Variants in PALLD observed in about 807,000 individuals in gnomAD.
PALLD encodes palladin, cytoskeletal associated protein, also known as palladin.
A neutral mutation model predicts 123.5 loss-of-function variants in PALLD; 61 were observed. The ratio of observed to expected loss-of-function variants is 0.49; its 90% CI spans 0.40 to 0.61. The LOEUF (loss-of-function observed/expected upper bound fraction) is 0.61, where lower values mean the gene tolerates loss of function less well. Among genes scored for constraint, PALLD ranks in the 20% least tolerant of loss-of-function variants. PALLD has a pLI of 0.00. For missense variants in PALLD, 1,273 were observed against 1,377.0 expected, an observed-to-expected ratio of 0.92 and a Z score of 1.20; for synonymous variants, 465 against 496.4, an observed-to-expected ratio of 0.94 and a Z score of 0.84.
chr4:168,905,807 T>C (rs984750461), intron 15 of PALLD, among the ~76,000 whole-genome samples: 1 of 148,032 alleles, frequency 6.8e-6, no homozygotes, highest in African/African-American at 2.5e-5. Flanking sequence ...TTTTTTTTTT[T>C]TTTCTTTTTT....
At chr4:168,748,267 A>C (rs992082917) in intron 10 of PALLD, among the ~76,000 whole-genome samples, 12 of 152,158 alleles carry the variant, frequency 7.9e-5, no homozygotes, top group African/African-American at 2.7e-4. Flanking sequence ...GAAAATGCAA[A>C]TTTTCAGTCT....
At chr4:168,924,126 T>A (rs760348849) in intron 18 of PALLD, 129 bp from the exon 19 acceptor site, 5 of 766,916 alleles carry the variant, frequency 6.5e-6, no homozygotes, top group Non-Finnish European at 1.1e-5. Flanking sequence ...GGGACTAGCA[T>A]CTTACCACCT....
intron 10 of PALLD, among the ~76,000 whole-genome samples, chr4:168,843,385 A>G (rs1469693592): frequency 6.6e-6 from 1 of 151,922 alleles, no homozygotes; most frequent in Non-Finnish European, 1.5e-5. Flanking sequence ...CCTTAAAAGG[A>G]GTATTTTAAA....
chr4:168,694,429 C>T (rs1782944335), intron 8 of PALLD, among the ~76,000 whole-genome samples: 1 of 152,128 alleles, frequency 6.6e-6, no homozygotes, highest in South Asian at 2.1e-4. Flanking sequence ...TGCTCGCTCT[C>T]TCCCCCTCCT....
intron 10 of PALLD, among the ~76,000 whole-genome samples, chr4:168,772,013 G>C (rs1174726764): frequency 6.6e-6 from 1 of 152,018 alleles, no homozygotes; most frequent in African/African-American, 2.4e-5. Context: ...ATCAGCACAG[G>C]TATACTCTAT....
chr4:168,788,658 T>C (rs2150588256), intron 10 of PALLD, among the ~76,000 whole-genome samples: 1 of 152,248 alleles, frequency 6.6e-6, no homozygotes, highest in East Asian at 1.9e-4. Context: ...GGGTCATCAG[T>C]TCTAGCCAGC....
chr4:168,621,906 G>A (rs1265174874), intron 2 of PALLD, among the ~76,000 whole-genome samples: 1 of 152,140 alleles, frequency 6.6e-6, no homozygotes, highest in African/African-American at 2.4e-5. Context: ...CAAAAGACCT[G>A]ATTCTTCAGG....
chr4:168,827,520 T>C lies in PALLD; in HGVS notation c.1965-63402T>C, dbSNP rs143009162. ...TCTTAAAAATGAATGGACTAAAAGCTGATCTTAAGCATTCTACTCTCAGAA... is the reference window on the plus strand; with the variant it reads ...TCTTAAAAATGAATGGACTAAAAGCCGATCTTAAGCATTCTACTCTCAGAA... On this transcript the variant is annotated intron_variant, in intron 10 of 21. Coordinates refer to ENST00000505667, the MANE Select transcript of PALLD (RefSeq NM_001166108.2). Among the ~76,000 whole-genome samples, 17 of 152,400 alleles carry C rather than the reference T, an allele frequency of 1.1e-4. No homozygotes were observed. The East Asian group carries it at 3.1e-3, about 28-fold the overall frequency.
intron 5 of PALLD, 125 bp downstream of exon 5, chr4:168,683,228 A>T (rs1781727473): frequency 1.7e-6 from 1 of 587,806 alleles, no homozygotes; most frequent in South Asian, 2.3e-5. Flanking sequence ...TGGACACAAA[A>T]TTCAGAGCAA....
chr4:168,835,221 G>A (rs7698800), intron 10 of PALLD, among the ~76,000 whole-genome samples: 52,657 of 152,016 alleles, frequency 0.35, 11,236 homozygotes, highest in African/African-American at 0.59. Flanking sequence ...CAAGAGATCC[G>A]GATAAACTCT....
chr4:168,621,029 C>T (rs1774716431), intron 2 of PALLD, among the ~76,000 whole-genome samples: 1 of 152,210 alleles, frequency 6.6e-6, no homozygotes, highest in Non-Finnish European at 1.5e-5. Context: ...GCAATCCACA[C>T]GTTGACAAGA....
chr4:168,891,682 TAA>T (rs5863966), intron 11 of PALLD, among the ~76,000 whole-genome samples: 445 of 142,680 alleles, frequency 3.1e-3, no homozygotes, highest in Middle Eastern at 7.1e-3. Flanking sequence ...CCAATGGTAT[TAA>T]AAAAAAAAAA....
At chr4:168,745,984 T>C (rs1730236350) in intron 10 of PALLD, among the ~76,000 whole-genome samples, 1 of 152,168 alleles carries the variant, frequency 6.6e-6, no homozygotes. Flanking sequence ...AATTTATTCA[T>C]TAAGTTTTGC....
chr4:168,497,544 A>G (rs549058380), intron 1 of PALLD, among the ~76,000 whole-genome samples: 30 of 152,340 alleles, frequency 2.0e-4, no homozygotes, highest in African/African-American at 6.5e-4. Context: ...GTTTCACAGA[A>G]AAGGAAAACG....
At chr4:168,792,979 C>T (rs1581494357) in intron 10 of PALLD, among the ~76,000 whole-genome samples, 2 of 151,526 alleles carry the variant, frequency 1.3e-5, no homozygotes, top group Admixed American at 1.3e-4. Context: ...GTTGGCCAAG[C>T]TGGTCTCAAA....
rs756218492 is a variant in PALLD at position 168,810,814 on chromosome 4, CAAAA to C, written c.1965-80099_1965-80096del. Among the ~76,000 whole-genome samples, 6 of 62,506 alleles carry C rather than the reference CAAAA, an allele frequency of 9.6e-5. No homozygotes were observed. The South Asian group carries it at 1.9e-3, about 20-fold the overall frequency. The allele number at this position is 62,506 out of a possible 152,430, so 41.0% of individuals were successfully genotyped here. ...TGGGCGACAGAGCGAGACTCCGTCT[CAAAA>C]AAAAAAAAGAAAAAAAAAGAAGAAG... is the stretch of plus-strand genomic sequence containing the variant. On this transcript the variant is annotated intron_variant, in intron 10 of 21. Transcript: ENST00000505667.
chr4:168,801,254 C>A (rs1391662838), intron 10 of PALLD, among the ~76,000 whole-genome samples: 1 of 152,128 alleles, frequency 6.6e-6, no homozygotes, highest in Non-Finnish European at 1.5e-5. Flanking sequence ...TGCTCTATAA[C>A]TCTTTGTTAA....
intron 14 of PALLD, among the ~76,000 whole-genome samples, chr4:168,899,089 C>T (rs1254046445): frequency 6.6e-6 from 1 of 152,134 alleles, no homozygotes; most frequent in Non-Finnish European, 1.5e-5. Flanking sequence ...TGCTCTGTAC[C>T]ATACAGACAA....
intron 2 of PALLD, among the ~76,000 whole-genome samples, chr4:168,514,551 ATTAT>A (rs1373804977): frequency 6.6e-6 from 1 of 152,200 alleles, no homozygotes; most frequent in Non-Finnish European, 1.5e-5. Context: ...ATTTATGTAG[ATTAT>A]TTATACAGAT....
Sources: allele counts gnomAD v4.1 joint callset (sites outside exome capture counted in the v4.1 genomes callset), GRCh38; gene constraint gnomAD v4.1.1; transcripts MANE v1.5; gene names NCBI Gene and HGNC (gene_info 2026-07-23, HGNC 2026-07-21).